Variants in SLFN13 observed in about 807,000 individuals in gnomAD.
The protein encoded by SLFN13 is schlafen-13.
In SLFN13, 43 loss-of-function variants were observed where a neutral mutation model predicts 50.6. The observed-to-expected ratio is 0.85, with a 90% CI of 0.67 to 1.09. The LOEUF (loss-of-function observed/expected upper bound fraction) is 1.09. SLFN13 is among the 50% of genes least tolerant of loss of function. The pLI, the probability that SLFN13 is intolerant of heterozygous loss-of-function variation, is 0.00. For synonymous variants in SLFN13, 339 were observed against 386.5 expected, an observed-to-expected ratio of 0.88 and a Z score of 1.44; for missense variants, 881 against 1,071.1, an observed-to-expected ratio of 0.82 and a Z score of 2.48.
chr17:35,449,043 G>GTAC (rs956842896), upstream of SLFN13, among the ~76,000 whole-genome samples: 7 of 68,332 alleles, frequency 1.0e-4, no homozygotes, highest in African/African-American at 4.7e-4. Context: ...ACCCCCGTCT[G>GTAC]TACAACAACA....
In SLFN13 at chr17:35,436,019, A is replaced by AT. The variant is rs1204450239; in HGVS notation, c.*4575dup. On this transcript the variant is annotated 3_prime_UTR_variant, in exon 6 of 6. Transcript: ENST00000285013. ...TATTATCACTTTTACAAATTGTTGG[A>AT]TTTTGTTTGCTAAAATTTTGTTTAG... is the stretch of plus-strand genomic sequence containing the variant. 6.6e-6 allele frequency: 1 copy of AT among 152,048 alleles called. No homozygotes were observed. Among genetic ancestry groups the AT allele is most frequent in the Non-Finnish European group, 1.5e-5 (1 of 67,998 alleles). The allele number at this position is 152,048 out of a possible 1,614,324, so 9.4% of individuals were successfully genotyped here.
Position 35,445,241 on chromosome 17 carries a change from G to C in SLFN13, c.440C>G (p.Ser147Ter). ...CTTCAGGAAATCGAATGCCTGTCTT[G>C]AATTCATGTGAAGCACAGAGGTGCC... The part of the protein sequence containing the change: ...RSGTSVLHMN[S>*]RQAFDFLKTK... The change falls in exon 3 of 6, where the codon TCA becomes TGA. Residue 147 changes from serine to a stop codon, truncating the protein, a stop_gained. Transcript: ENST00000285013. LOFTEE classifies it high-confidence loss of function. The C allele has an allele frequency of 1.2e-6, 2 of 1,613,930 alleles. No individual in the cohort carries two copies. The highest frequency in any genetic ancestry group is 1.7e-6 in the Non-Finnish European group (2 of 1,180,006).
rs757507429 is a variant in SLFN13, at chr17:35,442,170, C to A, written c.1315G>T (p.Val439Leu). Residue 439 changes from valine (V) to leucine (L), a missense_variant, in exon 5 of 6, where the codon GTG becomes TTG. This residue lies in a region of SLFN13 where 497 missense variants were observed against 518.3 expected (regional missense o/e 0.96). Coordinates refer to ENST00000285013, the MANE Select transcript of SLFN13 (RefSeq NM_144682.6). ...KQMRPFSQGI[V>L]ILSRSWAVDL... Reference sequence around the variant, plus strand: ...ACAGCCCAGCTTCTAGAGAGGATCACAATTCCCTGGGAGAAAGGTCGCATT... The same window carrying A: ...ACAGCCCAGCTTCTAGAGAGGATCAAAATTCCCTGGGAGAAAGGTCGCATT... 3.2e-5 allele frequency: 51 copies of A among 1,614,084 alleles called. No homozygotes were observed. The Admixed American group carries it at 3.3e-4, about 11-fold the overall frequency.
chr17:35,446,449 A>C (rs1567865425), intron 2 of SLFN13, among the ~76,000 whole-genome samples: 1 of 152,214 alleles, frequency 6.6e-6, no homozygotes, highest in Non-Finnish European at 1.5e-5. Flanking sequence ...GAGTCAATGA[A>C]GATGGCTTGA....
Position 35,438,447 on chromosome 17 carries a change from G to C in SLFN13, c.*2148C>G. 1 of 152,002 alleles carries C rather than the reference G, an allele frequency of 6.6e-6. No homozygotes were observed. The highest frequency in any genetic ancestry group is 2.4e-5 in the African/African-American group (1 of 41,408). 9.4% of individuals were successfully genotyped at this position (152,002 alleles called of 1,614,324 possible). ...TTACTAGGGCAATAAATCATATAGA[G>C]AGATTCAACCAGTCAGAATTAGACT... On this transcript the variant is annotated 3_prime_UTR_variant, in exon 6 of 6. Coordinates refer to ENST00000285013, the MANE Select transcript of SLFN13 (RefSeq NM_144682.6).
chr17:35,445,865 A>G lies in SLFN13; in HGVS notation c.-13-172T>C. On this transcript the variant is annotated intron_variant, in intron 2 of 5. Coordinates refer to ENST00000285013, the MANE Select transcript of SLFN13 (RefSeq NM_144682.6). ...TGACTGGCTGGCAGGGAAGGGAACT[A>G]ATGAAATTAGCCTTTACCATCATCT... is the stretch of plus-strand genomic sequence containing the variant. The G allele has an allele frequency of 7.0e-6, 4 of 571,948 alleles. No homozygotes were observed. The South Asian group carries it at 8.8e-5, about 13-fold the overall frequency. The allele number at this position is 571,948 out of a possible 1,614,324, so 35.4% of individuals were successfully genotyped here. A position where few individuals can be genotyped will look rare whatever the true frequency, so the allele number is the denominator to read the frequency against.
Position 35,440,661 on chromosome 17 carries a change from A to T in SLFN13, c.2628T>A (p.Ala876=), listed in dbSNP as rs975753766. 6.2e-7 allele frequency: 1 copy of T among 1,614,050 alleles called. No homozygotes were observed. The highest frequency in any genetic ancestry group is 1.3e-5 in the African/African-American group (1 of 74,944). Residue 876 remains alanine, a synonymous_variant, in exon 6 of 6, where the codon GCT becomes GCA. Coordinates refer to ENST00000285013, the MANE Select transcript of SLFN13 (RefSeq NM_144682.6). The part of the protein sequence containing the change: ...FGIHPRTADP[A]ILPNILICLA... ...GACAGATCAGAATATTGGGTAAGAT[A>T]GCTGGGTCAGCTGTCCTTGGATGGA...
rs768569837 is a variant in SLFN13 at position 35,440,843 on chromosome 17, C to T, written c.2446G>A (p.Val816Met). Residue 816 changes from valine (V) to methionine (M), a missense_variant, in exon 6 of 6, where the codon GTG (valine) becomes ATG (methionine). Around this residue, in one of 5 missense-constraint regions of SLFN13, gnomAD observed 322 missense variants for 327.4 expected, o/e 0.98. Transcript: ENST00000285013. ...GACTGATACTGCTCCACTTCTGTCA[C>T]GGTGCTGACAAGCACAGCAACATCC... Reference protein sequence around the residue: ...PKDVAVLVSTVTEVEQYQSKL... With the variant: ...PKDVAVLVSTMTEVEQYQSKL... 2.1e-5 allele frequency: 34 copies of T among 1,614,148 alleles called. No homozygotes were observed. Among genetic ancestry groups the T allele is most frequent in the Middle Eastern group, 1.6e-4 (1 of 6,062 alleles).
In SLFN13 at chr17:35,442,302, A is replaced by G. The variant is rs1912959684; in HGVS notation, c.1199-16T>C. The G allele has an allele frequency of 6.5e-7, 1 of 1,541,842 alleles. No homozygotes were observed. Among genetic ancestry groups the G allele is most frequent in the Admixed American group, 2.1e-5 (1 of 48,002 alleles). On this transcript the variant is annotated splice_polypyrimidine_tract_variant and intron_variant, in intron 4 of 5. Transcript: ENST00000285013. Reference sequence around the variant, plus strand: ...CCTGGTGGAACTAGACAGGAAGAAAATAGAAAGATGTTTTCACTGTGTTTA... The same window carrying G: ...CCTGGTGGAACTAGACAGGAAGAAAGTAGAAAGATGTTTTCACTGTGTTTA...
chr17:35,446,116 T>G (rs1474906569), intron 2 of SLFN13: 1 of 154,382 alleles, frequency 6.5e-6, no homozygotes, highest in East Asian at 1.9e-4. Flanking sequence ...GAACAGATTC[T>G]CCATGAACAT....
rs1479132065 is a variant in SLFN13, at chr17:35,445,296, T to G, written c.385A>C (p.Ser129Arg). 8 of 1,613,860 alleles carry G rather than the reference T, an allele frequency of 5.0e-6. No homozygotes were observed. Among genetic ancestry groups the G allele is most frequent in the Non-Finnish European group, 6.8e-6 (8 of 1,179,940 alleles). The change falls in exon 3 of 6, where the codon AGC becomes CGC. Residue 129 changes from serine (S) to arginine (R), a missense_variant. By Grantham distance (110) the Ser-to-Arg change is moderately radical. This residue lies in a region of SLFN13 where 497 missense variants were observed against 518.3 expected (regional missense o/e 0.96). Coordinates refer to ENST00000285013, the MANE Select transcript of SLFN13 (RefSeq NM_144682.6). Reference sequence around the variant, plus strand: ...CTACAGTATAATGAAGAACTAAGGCTGCAAATGCGGGAATTGAAAGAACCA... The same window carrying G: ...CTACAGTATAATGAAGAACTAAGGCGGCAAATGCGGGAATTGAAAGAACCA... ...KDGSFNSRIC[S>R]LSSSLYCRSG...
rs1429487209 is a variant in SLFN13, at chr17:35,439,448, A to G, written c.*1147T>C. ...ATGCATACAGCTACGCTGAGATGTTACAATGTAACAACATAAACTCACTGC... is the reference window on the plus strand; with the variant it reads ...ATGCATACAGCTACGCTGAGATGTTGCAATGTAACAACATAAACTCACTGC... On this transcript the variant is annotated 3_prime_UTR_variant, in exon 6 of 6. Coordinates refer to ENST00000285013, the MANE Select transcript of SLFN13 (RefSeq NM_144682.6). 5 of 151,396 alleles carry G rather than the reference A, an allele frequency of 3.3e-5. No individual in the cohort carries two copies. The highest frequency in any genetic ancestry group is 1.2e-4 in the African/African-American group (5 of 41,050). The allele number at this position is 151,396 out of a possible 1,614,324, so 9.4% of individuals were successfully genotyped here. A position where few individuals can be genotyped will look rare whatever the true frequency, so the allele number is the denominator to read the frequency against.
At position 35,445,264 on chromosome 17, in the gene SLFN13, G is replaced by C; in HGVS notation, c.417C>G (p.Gly139=). The change falls in exon 3 of 6, where the codon GGC becomes GGG. Residue 139 remains glycine, a synonymous_variant. Coordinates refer to ENST00000285013, the MANE Select transcript of SLFN13 (RefSeq NM_144682.6). ...TTGAATTCATGTGAAGCACAGAGGT[G>C]CCAGATCTACAGTATAATGAAGAAC... is the stretch of plus-strand genomic sequence containing the variant. ...SLSSSLYCRS[G]TSVLHMNSRQ... 2 of 1,613,958 alleles carry C rather than the reference G, an allele frequency of 1.2e-6. No homozygotes were observed. Among genetic ancestry groups the C allele is most frequent in the Non-Finnish European group, 1.7e-6 (2 of 1,180,008 alleles).
Position 35,448,729 on chromosome 17 carries a change from G to A in SLFN13, c.-168C>T, listed in dbSNP as rs1324758863. 6.6e-6 allele frequency: 1 copy of A among 152,290 alleles called. No homozygotes were observed. The highest frequency in any genetic ancestry group is 1.5e-5 in the Non-Finnish European group (1 of 68,136). The allele number at this position is 152,290 out of a possible 1,614,324, so 9.4% of individuals were successfully genotyped here. Reference sequence around the variant, plus strand: ...GCAGGGACCCTCTCTTACCTCTCAAGCTCCAGCGCGTCAAGCTCCAGGACA... The same window carrying A: ...GCAGGGACCCTCTCTTACCTCTCAAACTCCAGCGCGTCAAGCTCCAGGACA... On this transcript the variant is annotated 5_prime_UTR_variant, in exon 1 of 6. Transcript: ENST00000285013.
intron 3 of SLFN13, 83 bp from the exon 4 acceptor site, chr17:35,444,003 T>C: frequency 7.2e-7 from 1 of 1,395,062 alleles, no homozygotes; most frequent in Non-Finnish European, 9.7e-7. Context: ...GTGTCTAAAT[T>C]TCATCTAACA....
chr17:35,448,897 C>T (rs938408100), upstream of SLFN13: 2 of 152,444 alleles, frequency 1.3e-5, no homozygotes, highest in African/African-American at 4.8e-5. Context: ...TCTACAAAGC[C>T]CGGGAACACT....
At chr17:35,449,044 T>TACAACA (rs10610343), upstream of SLFN13, among the ~76,000 whole-genome samples, 40,133 of 148,146 alleles carry the variant, frequency 0.27, 5,437 homozygotes, top group Middle Eastern at 0.32. Context: ...CCCCCGTCTG[T>TACAACA]ACAACAACAA....
At chr17:35,441,518 A>G (rs1181404633) in intron 5 of SLFN13, 45 bp downstream of exon 5, 1 of 1,610,682 alleles carries the variant, frequency 6.2e-7, no homozygotes, top group African/African-American at 1.4e-5. Context: ...AAAAAATTAA[A>G]CCCAGATTAA....
chr17:35,443,704 G>A (rs1461187475), intron 4 of SLFN13, 85 bp downstream of exon 4: 36 of 1,446,720 alleles, frequency 2.5e-5, no homozygotes, highest in Non-Finnish European at 3.3e-5. Flanking sequence ...TGGATCTGCA[G>A]GACACAATCT....
Sources: allele counts gnomAD v4.1 joint callset (sites outside exome capture counted in the v4.1 genomes callset), GRCh38; gene constraint gnomAD v4.1.1; regional missense constraint gnomAD v4.1.1; transcripts MANE v1.5; gene names NCBI Gene and HGNC (gene_info 2026-07-23, HGNC 2026-07-21).